Variants in PDGFC observed in about 807,000 individuals in gnomAD.
The protein encoded by PDGFC is platelet derived growth factor C.
PDGFC carries 12 observed loss-of-function variants against 35.5 expected under a neutral mutation model. The observed-to-expected ratio is 0.34, with a 90% confidence interval of 0.22 to 0.55. PDGFC has a LOEUF of 0.55. Ranked by LOEUF, PDGFC falls within the 20% of genes least tolerant of loss-of-function variation. PDGFC has a pLI of 0.91. For synonymous variants in PDGFC, 159 were observed against 148.8 expected, an observed-to-expected ratio of 1.07 and a Z score of -0.50; for missense variants, 322 against 412.4, an observed-to-expected ratio of 0.78 and a Z score of 1.90.
intron 2 of PDGFC, among the ~76,000 whole-genome samples, chr4:156,817,245 A>G (rs1732112664): frequency 6.6e-6 from 1 of 152,234 alleles, no homozygotes; most frequent in Admixed American, 6.5e-5. Context: ...GAAAATTAAT[A>G]AAGACAAAAG....
At chr4:156,920,644 A>AAC (rs10611712) in intron 1 of PDGFC, among the ~76,000 whole-genome samples, 9,698 of 131,890 alleles carry the variant, frequency 0.074, 329 homozygotes, top group South Asian at 0.12. Context: ...AGGAAAAGAA[A>AAC]ACACACACAC....
intron 2 of PDGFC, among the ~76,000 whole-genome samples, chr4:156,832,253 CTTTT>C (rs542396769): frequency 7.4e-5 from 9 of 121,130 alleles, no homozygotes; most frequent in African/African-American, 1.3e-4. Flanking sequence ...TTCTTTCTTT[CTTTT>C]TTTTTTTTTT....
chr4:156,790,723 T>C (rs2110880108), intron 3 of PDGFC, among the ~76,000 whole-genome samples: 1 of 152,298 alleles, frequency 6.6e-6, no homozygotes, highest in South Asian at 2.1e-4. Flanking sequence ...TTATTGAGAT[T>C]TTTTCATCCT....
chr4:156,881,253 ATTG>A (rs1730234135), intron 1 of PDGFC, among the ~76,000 whole-genome samples: 1 of 152,186 alleles, frequency 6.6e-6, no homozygotes. Context: ...GGCTTAGATG[ATTG>A]TTAAGACTTT....
intron 1 of PDGFC, among the ~76,000 whole-genome samples, chr4:156,858,402 C>T (rs1729633159): frequency 6.6e-6 from 1 of 152,046 alleles, no homozygotes. Context: ...AGTATATACA[C>T]ACAGAATCTC....
At chr4:156,954,284 G>C (rs547515368) in intron 1 of PDGFC, among the ~76,000 whole-genome samples, 16 of 152,062 alleles carry the variant, frequency 1.1e-4, no homozygotes, top group Admixed American at 1.0e-3. Context: ...GATCAGAGCT[G>C]AGAAAATCAA....
At chr4:156,914,811 A>C (rs1368065742) in intron 1 of PDGFC, among the ~76,000 whole-genome samples, 2 of 152,170 alleles carry the variant, frequency 1.3e-5, no homozygotes, top group African/African-American at 2.4e-5. Context: ...ACAGACTGGA[A>C]AGAGATTCAA....
intron 3 of PDGFC, among the ~76,000 whole-genome samples, chr4:156,775,471 TA>T (rs1337016413): frequency 6.6e-6 from 1 of 152,170 alleles, no homozygotes; most frequent in Non-Finnish European, 1.5e-5. Flanking sequence ...ATTTTAAGCA[TA>T]AAATATAATT....
intron 5 of PDGFC, among the ~76,000 whole-genome samples, chr4:156,765,291 T>C (rs2110788599): frequency 6.6e-6 from 1 of 152,304 alleles, no homozygotes; most frequent in African/African-American, 2.4e-5. Flanking sequence ...ACATAGATTA[T>C]GCCACCAGAA....
chr4:156,780,128 T>TTA (rs1553964347), intron 3 of PDGFC, among the ~76,000 whole-genome samples: 1 of 150,580 alleles, frequency 6.6e-6, no homozygotes, highest in Non-Finnish European at 1.5e-5. Flanking sequence ...TTTTTTTTTT[T>TTA]ACTAAAATTT....
intron 3 of PDGFC, among the ~76,000 whole-genome samples, chr4:156,783,227 C>T (rs773244217): frequency 1.3e-5 from 2 of 152,080 alleles, no homozygotes; most frequent in Non-Finnish European, 1.5e-5. Flanking sequence ...GAAGGTGAGG[C>T]TGCAGGAATG....
At chr4:156,888,046 G>A (rs540818169) in intron 1 of PDGFC, among the ~76,000 whole-genome samples, 119 of 151,582 alleles carry the variant, frequency 7.9e-4, no homozygotes, top group African/African-American at 2.8e-3. Flanking sequence ...TTCAAACATG[G>A]TTATAATGGG....
Position 156,947,058 on chromosome 4 carries a change from C to T in PDGFC, c.118+23728G>A, listed in dbSNP as rs550385167. Among the ~76,000 whole-genome samples the T allele has an allele frequency of 1.1e-4, 17 of 152,114 alleles. No individual in the cohort carries two copies. The South Asian group carries it at 3.5e-3, about 32-fold the overall frequency. ...AGTGTTAATGAGTCAACATTACAAA[C>T]CTCAAATGACATAAAGAAGGGAGGT... On this transcript the variant is annotated intron_variant, in intron 1 of 5. Coordinates refer to ENST00000502773, the MANE Select transcript of PDGFC (RefSeq NM_016205.3).
At chr4:156,848,098 T>C (rs1306191408) in intron 2 of PDGFC, among the ~76,000 whole-genome samples, 1 of 151,468 alleles carries the variant, frequency 6.6e-6, no homozygotes, top group Non-Finnish European at 1.5e-5. Flanking sequence ...AACAGATCAA[T>C]ACAAAAGGAG....
At chr4:156,935,251 C>T (rs1329086650) in intron 1 of PDGFC, among the ~76,000 whole-genome samples, 2 of 152,194 alleles carry the variant, frequency 1.3e-5, no homozygotes, top group Non-Finnish European at 2.9e-5. Flanking sequence ...CCGCCTTGGC[C>T]TCCCTAAGTG....
Position 156,844,418 on chromosome 4 carries a change from T to C in PDGFC, c.314+5803A>G, listed in dbSNP as rs150825793. On this transcript the variant is annotated intron_variant, in intron 2 of 5. Transcript: ENST00000502773. ...GGAAACTGAAGCAACAGAAAATGAG[T>C]ACAAAAGAAGTAATAGAATAGAATC... 8.8e-4 allele frequency among the ~76,000 whole-genome samples: 134 copies of C among 151,930 alleles called. 1 individual carries two copies. The highest frequency in any genetic ancestry group is 3.2e-3 in the African/African-American group (131 of 41,474).
chr4:156,963,303 T>C (rs1732385328), intron 1 of PDGFC, among the ~76,000 whole-genome samples: 2 of 151,608 alleles, frequency 1.3e-5, no homozygotes, highest in African/African-American at 4.8e-5. Flanking sequence ...CCCCCATCTC[T>C]AAAAATAAAT....
chr4:156,873,693 T>C (rs1404916868), intron 1 of PDGFC, among the ~76,000 whole-genome samples: 1 of 152,324 alleles, frequency 6.6e-6, no homozygotes, highest in African/African-American at 2.4e-5. Flanking sequence ...TGTAATATAA[T>C]GGCTCGAAGG....
chr4:156,813,692 T>C (rs1246397350), intron 2 of PDGFC, among the ~76,000 whole-genome samples: 2 of 152,088 alleles, frequency 1.3e-5, no homozygotes, highest in Non-Finnish European at 2.9e-5. Context: ...GTCTTGGTAT[T>C]GCATGGTAAT....
Sources: gnomAD v4.1 joint callset for allele counts (sites outside exome capture counted in the v4.1 genomes callset) on GRCh38, gnomAD v4.1.1 for gene constraint, MANE v1.5 for transcripts, NCBI Gene and HGNC (gene_info 2026-07-23, HGNC 2026-07-21) for gene names.